The following SLC4A10 variants were observed in gnomAD, a reference collection of about 807,000 sequenced individuals.
The protein encoded by SLC4A10 is solute carrier family 4 member 10.
In SLC4A10, 42 loss-of-function variants were observed where a neutral mutation model predicts 137.7. The ratio of observed to expected loss-of-function variants is 0.30; its 90% confidence interval spans 0.24 to 0.39. SLC4A10 has a LOEUF of 0.39. Ranked by LOEUF, SLC4A10 falls within the 10% of genes least tolerant of loss-of-function variation. The probability of loss-of-function intolerance (pLI) is 1.00; values close to 1 mark genes in which losing one functional copy is unlikely to be tolerated. For missense variants in SLC4A10, 925 were observed against 1,355.0 expected (o/e 0.68, Z 4.98); for synonymous variants, 474 against 464.1 (o/e 1.02, Z -0.27).
intron 1 of SLC4A10, among the ~76,000 whole-genome samples, chr2:161,749,304 T>C (rs1048653917): frequency 2.0e-5 from 3 of 152,142 alleles, no homozygotes; most frequent in African/African-American, 7.2e-5. Context: ...TTTTCAGTAT[T>C]ACATTAAATA....
At chr2:161,960,490 C>A (rs567195450) in intron 21 of SLC4A10, among the ~76,000 whole-genome samples, 4 of 151,282 alleles carry the variant, frequency 2.6e-5, no homozygotes, top group African/African-American at 9.7e-5. Context: ...CAGACCAAGG[C>A]GGGTGGATCA....
In SLC4A10 at chr2:161,950,571, G is replaced by A. The variant is rs541713346; in HGVS notation, c.2380-116G>A. ...TGAGTATTATTATTATTTATTATAG[G>A]CCACTCAGCTCCTCTGTTTATAATT... On this transcript the variant is annotated intron_variant, in intron 18 of 26. Coordinates refer to ENST00000446997, the MANE Select transcript of SLC4A10 (RefSeq NM_001178015.2). 2.6e-5 allele frequency: 21 copies of A among 816,910 alleles called. No individual in the cohort carries two copies. In the Admixed American group the frequency reaches 3.3e-4, roughly 13 times the overall value. 50.6% of individuals were successfully genotyped at this position (816,910 alleles called of 1,614,324 possible).
chr2:161,716,046 T>A (rs1389729405), intron 1 of SLC4A10, among the ~76,000 whole-genome samples: 5 of 152,174 alleles, frequency 3.3e-5, no homozygotes, highest in African/African-American at 1.2e-4. Context: ...TGAGATGGTA[T>A]CTTATTGTGG....
At chr2:161,774,548 C>T (rs2052071505) in intron 2 of SLC4A10, among the ~76,000 whole-genome samples, 1 of 151,820 alleles carries the variant, frequency 6.6e-6, no homozygotes, top group South Asian at 2.1e-4. Flanking sequence ...CAAGAATTAC[C>T]TTCAGCTGAA....
In SLC4A10 at chr2:161,976,882, G is replaced by A; in HGVS notation, c.3344+6G>A. 6.7e-7 allele frequency: 1 copy of A among 1,494,216 alleles called. No individual in the cohort carries two copies. Among genetic ancestry groups the A allele is most frequent in the Non-Finnish European group, 9.1e-7 (1 of 1,097,276 alleles). 92.6% of individuals were successfully genotyped at this position (1,494,216 alleles called of 1,614,324 possible). ...TCAAGCTTTCCTTCCAAAAGGTTTG[G>A]ATTTTAAAATAATGAGAATTTATAC... is the stretch of plus-strand genomic sequence containing the variant. On this transcript the variant is annotated splice_donor_region_variant and intron_variant, in intron 25 of 26. Coordinates refer to ENST00000446997, the MANE Select transcript of SLC4A10 (RefSeq NM_001178015.2).
chr2:161,937,547 ATTTG>A (rs1178988082), intron 15 of SLC4A10, among the ~76,000 whole-genome samples: 1 of 152,140 alleles, frequency 6.6e-6, no homozygotes, highest in Non-Finnish European at 1.5e-5. Context: ...GTGGATGCCT[ATTTG>A]TTTATCTTTT....
At chr2:161,786,818 G>A (rs188659070) in intron 2 of SLC4A10, among the ~76,000 whole-genome samples, 379 of 149,920 alleles carry the variant, frequency 2.5e-3, no homozygotes, top group African/African-American at 8.8e-3. Context: ...ACTCTTTTCT[G>A]TTCAAAGTTT....
chr2:161,656,174 A>T (rs577082096), intron 1 of SLC4A10, among the ~76,000 whole-genome samples: 285 of 152,294 alleles, frequency 1.9e-3, no homozygotes, highest in Non-Finnish European at 3.5e-3. Flanking sequence ...AGATGGTTCA[A>T]TATTCACAAA....
chr2:161,797,924 A>G (rs984492505), intron 2 of SLC4A10, among the ~76,000 whole-genome samples: 1 of 152,024 alleles, frequency 6.6e-6, no homozygotes, highest in Non-Finnish European at 1.5e-5. Flanking sequence ...ATAGTCATGA[A>G]GCCTTTTGTT....
At chr2:161,882,302 C>T (rs1451774509) in intron 9 of SLC4A10, 55 bp from the exon 10 acceptor site, 5 of 1,124,066 alleles carry the variant, frequency 4.4e-6, no homozygotes, top group Non-Finnish European at 6.4e-6. Flanking sequence ...TTCTGTATTA[C>T]TAAAATTATT....
At chr2:161,864,445 TA>T (rs2125897561) in intron 6 of SLC4A10, among the ~76,000 whole-genome samples, 1 of 152,302 alleles carries the variant, frequency 6.6e-6, no homozygotes, top group East Asian at 1.9e-4. Context: ...CAAATATACA[TA>T]AAAATATAGG....
At chr2:161,794,511 T>C (rs1290584621) in intron 2 of SLC4A10, among the ~76,000 whole-genome samples, 1 of 152,082 alleles carries the variant, frequency 6.6e-6, no homozygotes, top group Non-Finnish European at 1.5e-5. Flanking sequence ...GTGCCCCAGA[T>C]ATGGCCCTTC....
intron 15 of SLC4A10, among the ~76,000 whole-genome samples, chr2:161,938,100 G>A (rs1038493276): frequency 4.6e-5 from 7 of 151,972 alleles, no homozygotes; most frequent in Non-Finnish European, 8.8e-5. Context: ...ACAAAACCCC[G>A]TCTGTACTAA....
chr2:161,683,031 A>G (rs1228925707), intron 1 of SLC4A10, among the ~76,000 whole-genome samples: 1 of 152,142 alleles, frequency 6.6e-6, no homozygotes, highest in African/African-American at 2.4e-5. Flanking sequence ...ACAACAAAAT[A>G]CTACATTTTT....
intron 1 of SLC4A10, among the ~76,000 whole-genome samples, chr2:161,712,802 A>G (rs901706040): frequency 2.6e-5 from 4 of 151,864 alleles, no homozygotes; most frequent in Admixed American, 1.3e-4. Context: ...TTCTCTGAAG[A>G]AATTTCCTCA....
chr2:161,922,152 T>C (rs1001346086), intron 15 of SLC4A10, among the ~76,000 whole-genome samples: 10 of 152,144 alleles, frequency 6.6e-5, no homozygotes, highest in African/African-American at 2.4e-4. Flanking sequence ...TTTCCAAACT[T>C]ATATATTTAG....
intron 1 of SLC4A10, among the ~76,000 whole-genome samples, chr2:161,671,920 A>C (rs923168128): frequency 6.6e-6 from 1 of 152,188 alleles, no homozygotes; most frequent in Non-Finnish European, 1.5e-5. Context: ...GAGTGGGAAG[A>C]TAATGTGTTT....
chr2:161,750,255 G>A (rs2048828541), intron 1 of SLC4A10, among the ~76,000 whole-genome samples: 1 of 149,822 alleles, frequency 6.7e-6, no homozygotes, highest in Non-Finnish European at 1.5e-5. Flanking sequence ...TATATTGTTT[G>A]TCTCATCTTT....
intron 23 of SLC4A10, among the ~76,000 whole-genome samples, chr2:161,973,901 T>G (rs1698968069): frequency 6.6e-6 from 1 of 152,192 alleles, no homozygotes; most frequent in Non-Finnish European, 1.5e-5. Flanking sequence ...GAATATAATT[T>G]CACCTTTATA....
Sources: allele counts gnomAD v4.1 joint callset (sites outside exome capture counted in the v4.1 genomes callset), GRCh38; gene constraint gnomAD v4.1.1; transcripts MANE v1.5; gene names NCBI Gene and HGNC (gene_info 2026-07-23, HGNC 2026-07-21).